The following CIMAP1C variants were observed in gnomAD, a reference collection of about 807,000 sequenced individuals.
CIMAP1C encodes ciliary microtubule associated protein 1C.
At chr15:75,725,481 G>T in the CIMAP1C span, among the ~76,000 whole-genome samples, 1 of 152,192 alleles carries the variant, frequency 6.6e-6, no homozygotes, top group Non-Finnish European at 1.5e-5. Flanking sequence ...TTTGGCTGGG[G>T]CCCTTCAGCT....
chr15:75,724,356 C>T, the CIMAP1C span: 3 of 1,411,402 alleles, frequency 2.1e-6, no homozygotes, highest in Admixed American at 1.7e-5. Context: ...GCCCCCTCCC[C>T]TCTCTCCAGG....
At chr15:75,727,419 C>G in the CIMAP1C span, 10 of 1,614,054 alleles carry the variant, frequency 6.2e-6, no homozygotes, top group Non-Finnish European at 8.5e-6. Flanking sequence ...ACGCCACGGC[C>G]TGGCCCCGGC....
chr15:75,725,171 T>C, the CIMAP1C span: 2 of 1,614,050 alleles, frequency 1.2e-6, no homozygotes, highest in Non-Finnish European at 8.5e-7. Context: ...GACATCTCCA[T>C]GTTCAAGGCA....
chr15:75,724,153 G>C, the CIMAP1C span: 15 of 1,335,180 alleles, frequency 1.1e-5, no homozygotes, highest in Non-Finnish European at 1.4e-5. Context: ...CTTGACTGCT[G>C]TTTAGACCCT....
At chr15:75,727,516 A>C in the CIMAP1C span, 2 of 1,596,328 alleles carry the variant, frequency 1.3e-6, no homozygotes, top group Non-Finnish European at 1.7e-6. Flanking sequence ...ACCTGTGCCC[A>C]CTGGTCATCG....
At chr15:75,724,074 C>A in the CIMAP1C span, 2 of 665,532 alleles carry the variant, frequency 3.0e-6, no homozygotes, top group South Asian at 1.8e-5. Context: ...GGAGAACTGT[C>A]TTCCTTCCCA....
the CIMAP1C span, chr15:75,726,207 GA>G: frequency 8.2e-7 from 1 of 1,212,378 alleles, no homozygotes; most frequent in Admixed American, 1.9e-5. Context: ...TGGGGGTTGG[GA>G]GGTTGGGGGG....
chr15:75,724,551 T>A, the CIMAP1C span, among the ~76,000 whole-genome samples: 1 of 152,244 alleles, frequency 6.6e-6, no homozygotes, highest in Non-Finnish European at 1.5e-5. Flanking sequence ...GGAGCCTTTG[T>A]CCTAGCTTTA....
chr15:75,724,129 G>C, the CIMAP1C span: 2 of 985,192 alleles, frequency 2.0e-6, no homozygotes, highest in Non-Finnish European at 3.2e-6. Flanking sequence ...TCTCAGGCAG[G>C]GATACTCTAG....
At chr15:75,726,766 C>A in the CIMAP1C span, among the ~76,000 whole-genome samples, 1 of 152,128 alleles carries the variant, frequency 6.6e-6, no homozygotes, top group African/African-American at 2.4e-5. Context: ...CAGGTGCACG[C>A]CACCACGCCC....
At chr15:75,727,685 T>C in the CIMAP1C span, 11 of 869,286 alleles carry the variant, frequency 1.3e-5, no homozygotes, top group Admixed American at 1.6e-4. Context: ...TACATTTTCA[T>C]GTATTTGTTT....
At chr15:75,726,190 C>A in the CIMAP1C span, 5 of 1,447,242 alleles carry the variant, frequency 3.5e-6, no homozygotes, top group Non-Finnish European at 4.8e-6. Context: ...GGGTTATGGA[C>A]AGATGTTGGG....
chr15:75,725,699 G>C, the CIMAP1C span, among the ~76,000 whole-genome samples: 1 of 152,148 alleles, frequency 6.6e-6, no homozygotes, highest in Non-Finnish European at 1.5e-5. Flanking sequence ...TGCCTGTCAG[G>C]CCTTTCCCTG....
the CIMAP1C span, chr15:75,725,208 C>T: frequency 2.5e-6 from 4 of 1,611,946 alleles, no homozygotes; most frequent in Admixed American, 5.0e-5. Flanking sequence ...ATAGCCGGCA[C>T]TCAGAGAAGC....
At chr15:75,726,736 C>T in the CIMAP1C span, among the ~76,000 whole-genome samples, 1 of 152,110 alleles carries the variant, frequency 6.6e-6, no homozygotes, top group East Asian at 1.9e-4. Context: ...CTGCCTCAGC[C>T]TTCTGAATAG....
chr15:75,726,022 G>A, the CIMAP1C span: 2 of 1,448,138 alleles, frequency 1.4e-6, no homozygotes, highest in South Asian at 2.3e-5. Flanking sequence ...GGCAGCCTTT[G>A]GGGCTGACCA....
chr15:75,726,078 C>T, the CIMAP1C span: 1 of 1,613,560 alleles, frequency 6.2e-7, no homozygotes, highest in East Asian at 2.2e-5. Context: ...CCACAGCAGC[C>T]CTGGGCCTTG....
chr15:75,727,135 G>A, the CIMAP1C span: 2 of 1,613,930 alleles, frequency 1.2e-6, no homozygotes, highest in African/African-American at 1.3e-5. Flanking sequence ...GGGCTCCCCA[G>A]TACACGTTTG....
the CIMAP1C span, among the ~76,000 whole-genome samples, chr15:75,724,680 T>C: frequency 6.6e-6 from 1 of 152,220 alleles, no homozygotes; most frequent in Non-Finnish European, 1.5e-5. Flanking sequence ...GATTGAAGGT[T>C]TGGGTTCTAC....
Sources: allele counts gnomAD v4.1 joint callset (sites outside exome capture counted in the v4.1 genomes callset), GRCh38; gene constraint gnomAD v4.1.1; transcripts MANE v1.5; gene names NCBI Gene and HGNC (gene_info 2026-07-23, HGNC 2026-07-21).